KIF1B: variants seen among roughly 807,000 people sequenced by gnomAD.
KIF1B encodes kinesin-like protein KIF1B.
In KIF1B, 76 loss-of-function variants were observed where a neutral mutation model predicts 241.9. The observed-to-expected ratio is 0.31, with a 90% confidence interval of 0.26 to 0.38. The LOEUF (loss-of-function observed/expected upper bound fraction) is 0.38. Among genes scored for constraint, KIF1B ranks in the 10% least tolerant of loss-of-function variants. KIF1B has a pLI of 1.00. For missense variants in KIF1B, 1,622 were observed against 2,271.4 expected (o/e 0.71, Z 5.81); for synonymous variants, 750 against 796.7 (o/e 0.94, Z 0.99).
At position 10,353,621 on chromosome 1, in the gene KIF1B, G is replaced by A. The variant is rs115851394; in HGVS notation, c.4055+885G>A. The stretch of plus-strand genomic sequence containing the variant: ...AAACTTGTTTACATCCATGTTGAGA[G>A]GAGGGAGGGAAGGAATAAGACGATA... On this transcript the variant is annotated intron_variant, in intron 38 of 48. Transcript: ENST00000676179. Among the ~76,000 whole-genome samples, 1,503 of 152,276 alleles carry A rather than the reference G, an allele frequency of 9.9e-3. 19 individuals carry two copies. The highest frequency in any genetic ancestry group is 0.034 in the African/African-American group (1,409 of 41,544).
In KIF1B at chr1:10,378,667, T is replaced by C; in HGVS notation, c.*2080T>C. ...AGGGGCTTGCGCGCCTCTGCAGAGT[T>C]GTTGCTAGGGAGACTTGTGTCATCA... On this transcript the variant is annotated 3_prime_UTR_variant, in exon 49 of 49. Coordinates refer to ENST00000676179, the MANE Select transcript of KIF1B (RefSeq NM_001365951.3). The C allele has an allele frequency of 3.9e-6, 2 of 513,694 alleles. No homozygotes were observed. The highest frequency in any genetic ancestry group is 2.3e-5 in the South Asian group (1 of 44,356). 31.8% of individuals were successfully genotyped at this position (513,694 alleles called of 1,614,324 possible).
At position 10,375,238 on chromosome 1, in the gene KIF1B, C is replaced by A; in HGVS notation, c.5290-17C>A. ...TCTCTGTAGTAACTTTCTTGTCTACCTGCATTTTTCTTTCAGACACCAAAC... is the reference window on the plus strand; with the variant it reads ...TCTCTGTAGTAACTTTCTTGTCTACATGCATTTTTCTTTCAGACACCAAAC... On this transcript the variant is annotated splice_polypyrimidine_tract_variant and intron_variant, in intron 47 of 48. Transcript: ENST00000676179. 2.5e-6 allele frequency: 4 copies of A among 1,603,846 alleles called. No homozygotes were observed. The highest frequency in any genetic ancestry group is 3.4e-6 in the Non-Finnish European group (4 of 1,170,486).
intron 22 of KIF1B, among the ~76,000 whole-genome samples, chr1:10,313,465 A>G (rs114412541): frequency 2.6e-4 from 39 of 151,402 alleles, no homozygotes; most frequent in Non-Finnish European, 4.0e-4. Context: ...ACCGGGGTAG[A>G]TAGGTAGGAG....
At chr1:10,359,662 T>C (rs552568673) in intron 38 of KIF1B, among the ~76,000 whole-genome samples, 1 of 152,174 alleles carries the variant, frequency 6.6e-6, no homozygotes, top group African/African-American at 2.4e-5. Flanking sequence ...CAAATGGTAT[T>C]TGTCTGGCTC....
At chr1:10,308,583 G>A in intron 22 of KIF1B, 1 of 1,016,134 alleles carries the variant, frequency 9.8e-7, no homozygotes, top group Non-Finnish European at 1.2e-6. Context: ...AATAAAAGTT[G>A]AAGTCATCTT....
chr1:10,333,824 A>G (rs1352884792), intron 27 of KIF1B, among the ~76,000 whole-genome samples: 1 of 151,942 alleles, frequency 6.6e-6, no homozygotes, highest in Non-Finnish European at 1.5e-5. Context: ...ATTGGGAAAA[A>G]TGAAACAAAA....
intron 22 of KIF1B, among the ~76,000 whole-genome samples, chr1:10,309,775 C>T (rs1190055191): frequency 1.3e-5 from 2 of 151,516 alleles, no homozygotes; most frequent in Non-Finnish European, 2.9e-5. Flanking sequence ...TCAGTGTCCT[C>T]AGGGGCTTTC....
At chr1:10,282,581 A>G (rs753580860) in intron 15 of KIF1B, 48 bp downstream of exon 15, 10 of 1,453,776 alleles carry the variant, frequency 6.9e-6, no homozygotes, top group Non-Finnish European at 9.7e-6. Context: ...GTAGCTCCAC[A>G]AGGAAGAACT....
At chr1:10,343,118 A>G in intron 33 of KIF1B, 114 bp from the exon 34 acceptor site, 3 of 1,055,672 alleles carry the variant, frequency 2.8e-6, no homozygotes, top group Non-Finnish European at 4.3e-6. Flanking sequence ...TCTCACTCCT[A>G]CTTGTGAAAC....
At chr1:10,271,768 C>T (rs1004691267) in intron 8 of KIF1B, among the ~76,000 whole-genome samples, 189 bp downstream of exon 8, 4 of 152,136 alleles carry the variant, frequency 2.6e-5, no homozygotes, top group African/African-American at 9.7e-5. Flanking sequence ...TGTGTCTGTC[C>T]TTCTACGGAA....
At chr1:10,255,965 G>GT (rs397975147) in intron 2 of KIF1B, among the ~76,000 whole-genome samples, 4,843 of 116,126 alleles carry the variant, frequency 0.042, 211 homozygotes, top group African/African-American at 0.12. Flanking sequence ...AGTTGTTGTT[G>GT]TTTTTTTTTT....
intron 24 of KIF1B, among the ~76,000 whole-genome samples, chr1:10,322,442 G>A (rs1031966744): frequency 2.6e-5 from 4 of 152,200 alleles, no homozygotes; most frequent in Non-Finnish European, 4.4e-5. Flanking sequence ...TATGCATAAA[G>A]CACTTATAGT....
At chr1:10,272,179 CT>C in intron 8 of KIF1B, 61 bp from the exon 9 acceptor site, 1 of 1,005,288 alleles carries the variant, frequency 9.9e-7, no homozygotes, top group South Asian at 1.3e-5. Context: ...ATTTTATGTT[CT>C]GTATGATATA....
rs1292248627 is a variant in KIF1B at position 10,377,292 on chromosome 1, A to C, written c.*705A>C. ...ATGGAATTTTTATTTACTGGTAGAG[A>C]GGAGACGAGAGGCTTTTTCAGTGGG... On this transcript the variant is annotated 3_prime_UTR_variant, in exon 49 of 49. Transcript: ENST00000676179. The C allele has an allele frequency of 4.4e-6, 1 of 228,704 alleles. No individual in the cohort carries two copies. The highest frequency in any genetic ancestry group is 8.7e-6 in the Non-Finnish European group (1 of 115,068). 14.2% of individuals were successfully genotyped at this position (228,704 alleles called of 1,614,324 possible).
chr1:10,375,631 C>T (rs1360268969), intron 48 of KIF1B, among the ~76,000 whole-genome samples: 1 of 151,954 alleles, frequency 6.6e-6, no homozygotes, highest in Non-Finnish European at 1.5e-5. Context: ...GTAATCCACC[C>T]ACCTCAGCCT....
At chr1:10,267,927 A>G (rs186268775) in intron 6 of KIF1B, among the ~76,000 whole-genome samples, 3 of 152,364 alleles carry the variant, frequency 2.0e-5, no homozygotes, top group East Asian at 3.9e-4. Context: ...TAGCTGGAGT[A>G]TGAAAAATGA....
intron 17 of KIF1B, 40 bp downstream of exon 17, chr1:10,292,162 CTT>C (rs1650032796): frequency 6.5e-7 from 1 of 1,532,210 alleles, no homozygotes; most frequent in Non-Finnish European, 9.0e-7. Context: ...GACAGAGACA[CTT>C]TTTGTTTGTC....
At chr1:10,332,757 G>A (rs1276968040) in intron 27 of KIF1B, among the ~76,000 whole-genome samples, 10 of 149,004 alleles carry the variant, frequency 6.7e-5, no homozygotes, top group African/African-American at 9.9e-5. Flanking sequence ...CCTTGTGATC[G>A]GCCCGCCTCG....
chr1:10,212,386 C>T (rs1268000706), intron 1 of KIF1B, among the ~76,000 whole-genome samples: 2 of 152,176 alleles, frequency 1.3e-5, no homozygotes, highest in African/African-American at 4.8e-5. Flanking sequence ...GAGAATTACA[C>T]ATAGGTTGGT....
Sources: gnomAD v4.1 joint callset for allele counts (sites outside exome capture counted in the v4.1 genomes callset) on GRCh38, gnomAD v4.1.1 for gene constraint, MANE v1.5 for transcripts, NCBI Gene and HGNC (gene_info 2026-07-23, HGNC 2026-07-21) for gene names.